The following AGBL4 variants were observed in gnomAD, a reference collection of about 807,000 sequenced individuals.
AGBL4 encodes AGBL carboxypeptidase 4, also known as cytosolic carboxypeptidase 6.
In AGBL4, 58 loss-of-function variants were observed where a neutral mutation model predicts 66.4. The ratio of observed to expected loss-of-function variants is 0.87; its 90% CI spans 0.71 to 1.09. The LOEUF is 1.09. Ranked by LOEUF, AGBL4 falls within the 50% of genes least tolerant of loss-of-function variation. AGBL4 has a pLI of 0.00. For missense variants in AGBL4, 579 were observed against 631.0 expected (o/e 0.92, Z 0.88); for synonymous variants, 234 against 222.9 (o/e 1.05, Z -0.44).
At chr1:48,723,307 T>C (rs923754622) in intron 6 of AGBL4, among the ~76,000 whole-genome samples, 4 of 152,186 alleles carry the variant, frequency 2.6e-5, no homozygotes, top group African/African-American at 9.7e-5. Flanking sequence ...CTGATGGCAA[T>C]AACTGGATGG....
intron 3 of AGBL4, among the ~76,000 whole-genome samples, chr1:49,362,123 C>A (rs1644149677): frequency 2.0e-5 from 3 of 152,082 alleles, no homozygotes; most frequent in African/African-American, 7.2e-5. Context: ...ATCACAAGTA[C>A]TATGATCTCA....
intron 9 of AGBL4, among the ~76,000 whole-genome samples, chr1:48,621,278 C>G (rs986285231): frequency 6.6e-6 from 1 of 152,090 alleles, no homozygotes; most frequent in African/African-American, 2.4e-5. Flanking sequence ...GTTAGACAGA[C>G]GAGTGGATAG....
chr1:48,717,318 G>GTA, intron 6 of AGBL4, among the ~76,000 whole-genome samples: 1 of 152,324 alleles, frequency 6.6e-6, no homozygotes, highest in South Asian at 2.1e-4. Flanking sequence ...GACTGTGCAT[G>GTA]TATATGTCTA....
intron 3 of AGBL4, among the ~76,000 whole-genome samples, chr1:49,620,360 G>GA (rs1016518720): frequency 2.5e-4 from 38 of 151,810 alleles, no homozygotes; most frequent in Non-Finnish European, 4.9e-4. Context: ...ACAAACATAT[G>GA]AAAAAAAAGC....
At chr1:48,589,208 C>T (rs923028) in intron 10 of AGBL4, among the ~76,000 whole-genome samples, 56,250 of 152,010 alleles carry the variant, frequency 0.37, 10,830 homozygotes, top group South Asian at 0.51. Flanking sequence ...TGCTGGGTGA[C>T]CTTATGCTGA....
chr1:49,906,382 G>C (rs1650278864), intron 1 of AGBL4, among the ~76,000 whole-genome samples: 2 of 151,902 alleles, frequency 1.3e-5, no homozygotes, highest in Non-Finnish European at 2.9e-5. Context: ...CCTTCAGTTT[G>C]CACTTATATA....
chr1:48,776,587 T>C, intron 6 of AGBL4: 2 of 1,108,110 alleles, frequency 1.8e-6, no homozygotes, highest in Non-Finnish European at 1.2e-6. Flanking sequence ...CCACCGTCCC[T>C]CCCCGCCCGC....
In AGBL4 at chr1:49,742,467, C is replaced by T. The variant is rs556947002; in HGVS notation, c.158-45030G>A. Among the ~76,000 whole-genome samples the T allele has an allele frequency of 1.4e-4, 21 of 151,894 alleles. No individual in the cohort carries two copies. In the East Asian group the frequency reaches 3.7e-3, roughly 27 times the overall value. On this transcript the variant is annotated intron_variant, in intron 2 of 13. Coordinates refer to ENST00000371839, the MANE Select transcript of AGBL4 (RefSeq NM_032785.4). ...GGAAGAATCAATATCATGAAAATGG[C>T]CATACTGCCCAAGGTAATTTACAGA...
chr1:49,670,926 G>C (rs964443686), intron 3 of AGBL4, among the ~76,000 whole-genome samples: 1 of 152,148 alleles, frequency 6.6e-6, no homozygotes, highest in Admixed American at 6.6e-5. Context: ...GCAATTTACA[G>C]ATTCAATGCT....
At chr1:49,216,894 C>A (rs1159457850) in intron 4 of AGBL4, among the ~76,000 whole-genome samples, 1 of 152,020 alleles carries the variant, frequency 6.6e-6, no homozygotes. Context: ...AATTTGGGAC[C>A]CACTTGCAAT....
chr1:49,950,182 A>G (rs1218462418), intron 1 of AGBL4, among the ~76,000 whole-genome samples: 1 of 147,466 alleles, frequency 6.8e-6, no homozygotes, highest in Non-Finnish European at 1.5e-5. Flanking sequence ...ATACATATGT[A>G]TATACACATA....
At chr1:49,206,905 G>C (rs1401834182) in intron 4 of AGBL4, among the ~76,000 whole-genome samples, 2 of 149,458 alleles carry the variant, frequency 1.3e-5, no homozygotes, top group Non-Finnish European at 3.0e-5. Context: ...GGAGAGGAGA[G>C]GAGAGGAGAG....
chr1:49,230,900 G>A (rs768122449), intron 4 of AGBL4, among the ~76,000 whole-genome samples: 2 of 151,920 alleles, frequency 1.3e-5, no homozygotes, highest in Non-Finnish European at 2.9e-5. Flanking sequence ...TGATATACTT[G>A]ATCATAAGCC....
chr1:49,918,106 G>C (rs144012839), intron 1 of AGBL4, among the ~76,000 whole-genome samples: 169 of 152,250 alleles, frequency 1.1e-3, no homozygotes, highest in African/African-American at 3.9e-3. Flanking sequence ...GTAATTTATA[G>C]CACGAAATGC....
At chr1:49,452,833 A>G (rs1046985990) in intron 3 of AGBL4, among the ~76,000 whole-genome samples, 1 of 151,788 alleles carries the variant, frequency 6.6e-6, no homozygotes, top group Non-Finnish European at 1.5e-5. Context: ...TCCTTTCCCA[A>G]GAGTTTCCTG....
At chr1:49,782,774 T>C (rs897272697) in intron 2 of AGBL4, among the ~76,000 whole-genome samples, 3 of 152,208 alleles carry the variant, frequency 2.0e-5, no homozygotes, top group Non-Finnish European at 4.4e-5. Context: ...AGTTCTTTTT[T>C]GTCTCCTTGT....
intron 1 of AGBL4, among the ~76,000 whole-genome samples, chr1:49,889,940 T>A (rs1198711705): frequency 1.3e-5 from 2 of 152,216 alleles, no homozygotes; most frequent in Non-Finnish European, 2.9e-5. Context: ...GTAGAAGCTC[T>A]CTCAGATTAT....
chr1:49,261,327 G>A (rs919090363), intron 3 of AGBL4, among the ~76,000 whole-genome samples: 1 of 152,084 alleles, frequency 6.6e-6, no homozygotes, highest in Non-Finnish European at 1.5e-5. Flanking sequence ...GGCAGGAGAA[G>A]GAAATAAAGG....
chr1:49,393,404 C>A (rs554549353), intron 3 of AGBL4, among the ~76,000 whole-genome samples: 1 of 151,962 alleles, frequency 6.6e-6, no homozygotes, highest in African/African-American at 2.4e-5. Flanking sequence ...CTTCTTATTC[C>A]CAATACTATA....
Sources: gnomAD v4.1 joint callset for allele counts (sites outside exome capture counted in the v4.1 genomes callset) on GRCh38, gnomAD v4.1.1 for gene constraint, MANE v1.5 for transcripts, NCBI Gene and HGNC (gene_info 2026-07-23, HGNC 2026-07-21) for gene names.